ST7L: variants seen among roughly 807,000 people sequenced by gnomAD.
ST7L encodes the protein suppression of tumorigenicity 7 like, also known as suppressor of tumorigenicity 7 protein-like.
Under a neutral mutation model 72.5 loss-of-function variants are expected in ST7L, and 57 were observed. The ratio of observed to expected loss-of-function variants is 0.79; its 90% CI spans 0.64 to 0.98. The LOEUF is 0.98. Ranked by LOEUF, ST7L falls within the 50% of genes least tolerant of loss-of-function variation. The probability of loss-of-function intolerance (pLI) is 0.00; values close to 1 mark genes in which losing one functional copy is unlikely to be tolerated. For synonymous variants in ST7L, 221 were observed against 240.9 expected (o/e 0.92, Z 0.77); for missense variants, 576 against 672.2 (o/e 0.86, Z 1.58).
intron 14 of ST7L, among the ~76,000 whole-genome samples, chr1:112,535,998 C>A (rs1655149187): frequency 1.3e-5 from 2 of 152,070 alleles, no homozygotes; most frequent in South Asian, 4.1e-4. Context: ...GATGCACCAA[C>A]AATGGAACAA....
intron 14 of ST7L, among the ~76,000 whole-genome samples, chr1:112,530,401 G>A (rs547698759): frequency 2.0e-5 from 3 of 152,140 alleles, no homozygotes; most frequent in Admixed American, 1.3e-4. Context: ...ATAAACTCAA[G>A]GAGAGGTTCT....
At chr1:112,597,833 T>C (rs909637167) in intron 5 of ST7L, 138 bp downstream of exon 5, 36 of 465,514 alleles carry the variant, frequency 7.7e-5, no homozygotes, top group African/African-American at 6.4e-4. Context: ...TAATTTAATC[T>C]GAGTTTGTTA....
At position 112,547,561 on chromosome 1, in the gene ST7L, CTTTTTTTTTT is replaced by C. The variant is rs59755766; in HGVS notation, c.1489+3030_1489+3039del. Among the ~76,000 whole-genome samples the C allele has an allele frequency of 4.4e-3, 273 of 62,024 alleles. 4 individuals are homozygous for C. The highest frequency in any genetic ancestry group is 6.8e-3 in the Admixed American group (32 of 4,696). 40.7% of individuals were successfully genotyped at this position (62,024 alleles called of 152,430 possible). A position where few individuals can be genotyped will look rare whatever the true frequency, so the allele number is the denominator to read the frequency against. On this transcript the variant is annotated intron_variant, in intron 13 of 14. Transcript: ENST00000358039. ...ACACATTGTCTGTCATCTTTGTCAT[CTTTTTTTTTT>C]TTTTTTTTTTTTTTTTGGAGACAGA...
Position 112,614,478 on chromosome 1 carries a change from G to A in ST7L, c.288+2335C>T, listed in dbSNP as rs1417193192. Among the ~76,000 whole-genome samples the A allele has an allele frequency of 2.0e-5, 3 of 152,194 alleles. No individual in the cohort carries two copies. In the East Asian group the frequency reaches 5.8e-4, roughly 29 times the overall value. On this transcript the variant is annotated intron_variant, in intron 2 of 14. Coordinates refer to ENST00000358039, the MANE Select transcript of ST7L (RefSeq NM_017744.5). ...TAAATTATGAGGCTTATATTAACAT[G>A]TAGTTTTAATCCTGAATTCCTCAAT...
chr1:112,561,342 G>A (rs556434275), intron 11 of ST7L, among the ~76,000 whole-genome samples: 344 of 141,710 alleles, frequency 2.4e-3, no homozygotes, highest in African/African-American at 8.4e-3. Flanking sequence ...TAAGGCAGGA[G>A]GATAGCTGGA....
intron 5 of ST7L, among the ~76,000 whole-genome samples, chr1:112,592,973 A>AC (rs1304087889): frequency 9.2e-5 from 14 of 151,872 alleles, no homozygotes; most frequent in African/African-American, 3.1e-4. Context: ...CCAGATATAC[A>AC]CCCCCCAAAT....
At chr1:112,582,968 T>C (rs1232056386) in intron 7 of ST7L, among the ~76,000 whole-genome samples, 1 of 152,188 alleles carries the variant, frequency 6.6e-6, no homozygotes, top group Non-Finnish European at 1.5e-5. Context: ...TGACAAACTA[T>C]AAAACTACTT....
At chr1:112,594,401 G>A (rs1000195744) in intron 5 of ST7L, among the ~76,000 whole-genome samples, 16 of 152,030 alleles carry the variant, frequency 1.1e-4, no homozygotes, top group African/African-American at 3.6e-4. Flanking sequence ...GCTTGGCATT[G>A]GAAAGAAAGT....
intron 3 of ST7L, 56 bp downstream of exon 3, chr1:112,610,785 G>C: frequency 1.3e-6 from 2 of 1,583,530 alleles, no homozygotes; most frequent in East Asian, 2.2e-5. Context: ...CTATCTCCCA[G>C]AGCCAAACTC....
intron 6 of ST7L, among the ~76,000 whole-genome samples, chr1:112,589,543 T>A (rs191054847): frequency 1.0e-3 from 155 of 152,364 alleles, no homozygotes; most frequent in African/African-American, 3.5e-3. Flanking sequence ...TTGCTGCTTT[T>A]GCAGTTGTTT....
intron 13 of ST7L, among the ~76,000 whole-genome samples, chr1:112,546,162 T>C (rs1224481205): frequency 6.6e-6 from 1 of 151,526 alleles, no homozygotes; most frequent in Non-Finnish European, 1.5e-5. Flanking sequence ...CTACCAAAAA[T>C]ACAAAAATTA....
intron 14 of ST7L, chr1:112,540,186 T>C (rs1418306145): frequency 2.0e-6 from 2 of 985,314 alleles, no homozygotes; most frequent in Non-Finnish European, 2.4e-6. Flanking sequence ...TTCCAGATTC[T>C]AGATCTCCCT....
At chr1:112,594,132 T>G (rs1666074769) in intron 5 of ST7L, among the ~76,000 whole-genome samples, 1 of 151,814 alleles carries the variant, frequency 6.6e-6, no homozygotes, top group Non-Finnish European at 1.5e-5. Flanking sequence ...AATGTTTCTC[T>G]GGTTTCCCTA....
intron 11 of ST7L, among the ~76,000 whole-genome samples, chr1:112,562,844 A>C (rs1660398502): frequency 6.6e-6 from 1 of 152,176 alleles, no homozygotes; most frequent in Non-Finnish European, 1.5e-5. Context: ...GGAATGGAGA[A>C]GGGCTGATGG....
intron 14 of ST7L, chr1:112,527,285 GAGA>G (rs1479090721): frequency 6.6e-6 from 1 of 152,326 alleles, no homozygotes; most frequent in Non-Finnish European, 1.5e-5. Flanking sequence ...CTTGAGCTAG[GAGA>G]AGAACACCTC....
intron 10 of ST7L, among the ~76,000 whole-genome samples, chr1:112,577,839 TTC>T (rs745542826): frequency 2.6e-5 from 4 of 152,194 alleles, no homozygotes; most frequent in Non-Finnish European, 4.4e-5. Flanking sequence ...TTTGGTTGGT[TTC>T]TGAGTATCTT....
At chr1:112,618,853 GC>G in intron 1 of ST7L, 55 bp downstream of exon 1, 1 of 1,533,764 alleles carries the variant, frequency 6.5e-7, no homozygotes, top group Non-Finnish European at 8.8e-7. Flanking sequence ...TTTGGCTCTT[GC>G]CCCCGACATC....
At chr1:112,584,246 A>G in intron 6 of ST7L, 120 bp from the exon 7 acceptor site, 2 of 1,075,300 alleles carry the variant, frequency 1.9e-6, no homozygotes, top group South Asian at 4.1e-5. Context: ...CTTTAGAAAA[A>G]AAAAAACCTT....
At chr1:112,566,596 C>T (rs1326293733) in intron 11 of ST7L, among the ~76,000 whole-genome samples, 1 of 152,120 alleles carries the variant, frequency 6.6e-6, no homozygotes, top group Non-Finnish European at 1.5e-5. Context: ...TGCGCCTGGC[C>T]ATCAAAACGT....
Sources: gnomAD v4.1 joint callset for allele counts (sites outside exome capture counted in the v4.1 genomes callset) on GRCh38, gnomAD v4.1.1 for gene constraint, MANE v1.5 for transcripts, NCBI Gene and HGNC (gene_info 2026-07-23, HGNC 2026-07-21) for gene names.